The following KCNIP4 variants were observed in gnomAD, a reference collection of about 807,000 sequenced individuals.
KCNIP4 encodes the protein potassium voltage-gated channel interacting protein 4.
Under a neutral mutation model 34.0 loss-of-function variants are expected in KCNIP4, and 12 were observed. The ratio of observed to expected loss-of-function variants is 0.35; its 90% CI spans 0.23 to 0.57. The LOEUF is 0.57. Ranked by LOEUF, KCNIP4 falls within the 20% of genes least tolerant of loss-of-function variation. The pLI is 0.83. For synonymous variants in KCNIP4, 124 were observed against 102.2 expected (o/e 1.21, Z -1.29); for missense variants, 238 against 311.7 (o/e 0.76, Z 1.78).
In KCNIP4 at chr4:21,178,650, A is replaced by T. The variant is rs374539223; in HGVS notation, c.62-295941T>A. 1.6e-4 allele frequency among the ~76,000 whole-genome samples: 3 copies of T among 19,300 alleles called. No individual in the cohort carries two copies. The East Asian group carries it at 2.3e-3, about 15-fold the overall frequency. The allele number at this position is 19,300 out of a possible 152,430, so 12.7% of individuals were successfully genotyped here. ...GCTAGTAATTATATTACTTCACTTA[A>T]CTTCTCCCTTCCAAAACTGCCTATT... is the stretch of plus-strand genomic sequence containing the variant. On this transcript the variant is annotated intron_variant, in intron 1 of 8. Transcript: ENST00000382152.
At position 21,466,826 on chromosome 4, in the gene KCNIP4, G is replaced by A. The variant is rs77353204; in HGVS notation, c.61+481745C>T. ...ATGGCCTCATCCCCACCCTACAATC[G>A]CAGTACCCCATCCCTGGCATAGGTC... On this transcript the variant is annotated intron_variant, in intron 1 of 8. Transcript: ENST00000382152. 7.1e-3 allele frequency among the ~76,000 whole-genome samples: 1,074 copies of A among 151,790 alleles called. 49 individuals are homozygous for A. In the East Asian group the frequency reaches 0.12, roughly 17 times the overall value.
chr4:21,188,821 A>G (rs1485321845), intron 1 of KCNIP4, among the ~76,000 whole-genome samples: 1 of 152,182 alleles, frequency 6.6e-6, no homozygotes, highest in Non-Finnish European at 1.5e-5. Context: ...TATTAACTAG[A>G]GGGTGAGATC....
intron 1 of KCNIP4, among the ~76,000 whole-genome samples, chr4:20,964,127 A>G (rs548263610): frequency 2.6e-4 from 40 of 152,280 alleles, no homozygotes; most frequent in African/African-American, 9.6e-4. Flanking sequence ...ATACTTATTT[A>G]TACATGTGAG....
In KCNIP4 at chr4:20,875,588, A is replaced by G. The variant is rs74948714; in HGVS notation, c.163+7020T>C. On this transcript the variant is annotated intron_variant, in intron 2 of 8. Coordinates refer to ENST00000382152, the MANE Select transcript of KCNIP4 (RefSeq NM_025221.6). ...GCTTTCTATTAAGAAATACGTAAAT[A>G]TTAAATTTACATTTAACATGGGTTA... Among the ~76,000 whole-genome samples the G allele has an allele frequency of 6.6e-3, 1,013 of 152,352 alleles. 7 individuals carry two copies. Among genetic ancestry groups the G allele is most frequent in the Non-Finnish European group, 0.01 (712 of 68,028 alleles).
chr4:21,545,845 C>T (rs1170759462), intron 1 of KCNIP4, among the ~76,000 whole-genome samples: 2 of 152,082 alleles, frequency 1.3e-5, no homozygotes, highest in Non-Finnish European at 2.9e-5. Context: ...AATAAACATA[C>T]GTGTGCGTGT....
intron 1 of KCNIP4, among the ~76,000 whole-genome samples, chr4:21,224,477 T>C (rs999216986): frequency 2.6e-5 from 4 of 151,736 alleles, no homozygotes; most frequent in Non-Finnish European, 5.9e-5. Context: ...GAGACTACAG[T>C]TTCACCCTAT....
chr4:20,936,564 T>C (rs996714709), intron 1 of KCNIP4, among the ~76,000 whole-genome samples: 5 of 151,778 alleles, frequency 3.3e-5, no homozygotes, highest in Non-Finnish European at 1.5e-5. Flanking sequence ...TAGTAGGTAT[T>C]AAAAAAAATT....
chr4:21,392,893 A>G (rs1722682774), intron 1 of KCNIP4, among the ~76,000 whole-genome samples: 1 of 152,226 alleles, frequency 6.6e-6, no homozygotes, highest in Non-Finnish European at 1.5e-5. Flanking sequence ...TCTATCTCAT[A>G]TCTCCCTTAA....
intron 8 of KCNIP4, chr4:20,731,550 G>T: frequency 1.0e-6 from 1 of 985,362 alleles, no homozygotes; most frequent in Non-Finnish European, 1.2e-6. Flanking sequence ...GCCATTTCTT[G>T]TCCACATACA....
intron 1 of KCNIP4, among the ~76,000 whole-genome samples, chr4:21,798,031 C>T (rs1291684582): frequency 3.3e-5 from 5 of 151,956 alleles, no homozygotes; most frequent in Admixed American, 6.6e-5. Context: ...GCCCCCCACT[C>T]CTAGCTTACC....
chr4:21,478,981 A>G (rs1731210766), intron 1 of KCNIP4, among the ~76,000 whole-genome samples: 2 of 152,186 alleles, frequency 1.3e-5, no homozygotes, highest in African/African-American at 4.8e-5. Context: ...CAGTCCTTTT[A>G]TTACTTCATC....
intron 2 of KCNIP4, among the ~76,000 whole-genome samples, chr4:20,864,290 G>A (rs1421375053): frequency 6.6e-6 from 1 of 150,828 alleles, no homozygotes; most frequent in Non-Finnish European, 1.5e-5. Flanking sequence ...ATGCATATAT[G>A]TACACATATG....
rs114997390 is a variant in KCNIP4 at position 21,705,881 on chromosome 4, T to C, written c.61+242690A>G. ...CTCTGTAGAAGGTTCATTTTTCACA[T>C]TGAAGCCTAGAGCACCAGCATGATC... On this transcript the variant is annotated intron_variant, in intron 1 of 8. Coordinates refer to ENST00000382152, the MANE Select transcript of KCNIP4 (RefSeq NM_025221.6). 8.6e-3 allele frequency among the ~76,000 whole-genome samples: 1,312 copies of C among 152,262 alleles called. 18 individuals carry two copies. The highest frequency in any genetic ancestry group is 0.03 in the African/African-American group (1,252 of 41,574).
intron 1 of KCNIP4, among the ~76,000 whole-genome samples, chr4:21,697,063 A>T (rs566030419): frequency 6.0e-5 from 9 of 150,076 alleles, no homozygotes; most frequent in African/African-American, 1.5e-4. Context: ...TCATGTATTT[A>T]AAAAAAAAAT....
At chr4:21,454,798 T>C (rs1025952599) in intron 1 of KCNIP4, among the ~76,000 whole-genome samples, 1 of 152,134 alleles carries the variant, frequency 6.6e-6, no homozygotes, top group Non-Finnish European at 1.5e-5. Flanking sequence ...ATTCTGGATA[T>C]AGCACCACTA....
chr4:21,103,132 T>C (rs538288063), intron 1 of KCNIP4, among the ~76,000 whole-genome samples: 5 of 151,876 alleles, frequency 3.3e-5, no homozygotes, highest in South Asian at 2.1e-4. Flanking sequence ...AGAACCCTGA[T>C]TTGGAGTTAA....
In KCNIP4 at chr4:21,046,621, C is replaced by T. The variant is rs1472200060; in HGVS notation, c.62-163912G>A. On this transcript the variant is annotated intron_variant, in intron 1 of 8. Coordinates refer to ENST00000382152, the MANE Select transcript of KCNIP4 (RefSeq NM_025221.6). Reference sequence around the variant, plus strand: ...TTTATTTATTTTTGAGATGGAGTTTCGCTCTTGTTGCTCAGGCAGGAGTGC... The same window carrying T: ...TTTATTTATTTTTGAGATGGAGTTTTGCTCTTGTTGCTCAGGCAGGAGTGC... Among the ~76,000 whole-genome samples the T allele has an allele frequency of 1.1e-4, 8 of 75,388 alleles. No homozygotes were observed. The South Asian group carries it at 1.1e-3, about 10-fold the overall frequency. The allele number at this position is 75,388 out of a possible 152,430, so 49.5% of individuals were successfully genotyped here. A position where few individuals can be genotyped will look rare whatever the true frequency, so the allele number is the denominator to read the frequency against.
chr4:21,655,368 G>A (rs1422200492), intron 1 of KCNIP4, among the ~76,000 whole-genome samples: 1 of 151,976 alleles, frequency 6.6e-6, no homozygotes, highest in East Asian at 1.9e-4. Context: ...AGGAGACAGG[G>A]AACAGAGCCA....
intron 1 of KCNIP4, among the ~76,000 whole-genome samples, chr4:21,721,763 A>AT (rs879571477): frequency 4.6e-5 from 7 of 152,214 alleles, no homozygotes; most frequent in Non-Finnish European, 1.0e-4. Flanking sequence ...TGCTACATCA[A>AT]TAAAACATGG....
Sources: allele counts gnomAD v4.1 joint callset (sites outside exome capture counted in the v4.1 genomes callset), GRCh38; gene constraint gnomAD v4.1.1; transcripts MANE v1.5; gene names NCBI Gene and HGNC (gene_info 2026-07-23, HGNC 2026-07-21).